ARL2BP: variants seen among roughly 807,000 people sequenced by gnomAD.
ARL2BP encodes the protein ARF like GTPase 2 binding protein.
Under a neutral mutation model 24.2 loss-of-function variants are expected in ARL2BP, and 19 were observed. The observed-to-expected ratio is 0.79, with a 90% confidence interval of 0.55 to 1.15. The LOEUF is 1.15. ARL2BP is among the 50% of genes most tolerant of loss of function. The pLI is 0.00. For missense variants in ARL2BP, 160 were observed against 190.4 expected, an observed-to-expected ratio of 0.84 and a Z score of 0.94; for synonymous variants, 56 against 70.5, an observed-to-expected ratio of 0.79 and a Z score of 1.03.
In ARL2BP at chr16:57,249,870, G is replaced by T; in HGVS notation, c.293+18G>T. The T allele has an allele frequency of 6.2e-7, 1 of 1,611,270 alleles. No homozygotes were observed. Among genetic ancestry groups the T allele is most frequent in the Non-Finnish European group, 8.5e-7 (1 of 1,177,386 alleles). On this transcript the variant is annotated intron_variant, in intron 4 of 5. Transcript: ENST00000219204. Reference sequence around the variant, plus strand: ...ACATTACAGTGAGTTGAGCTTGACTGATTTTTGTGTTTTGTTTTGTTTTCT... The same window carrying T: ...ACATTACAGTGAGTTGAGCTTGACTTATTTTTGTGTTTTGTTTTGTTTTCT...
At chr16:57,246,554 G>A (rs1447767755) in intron 2 of ARL2BP, among the ~76,000 whole-genome samples, 1 of 152,196 alleles carries the variant, frequency 6.6e-6, no homozygotes, top group Non-Finnish European at 1.5e-5. Flanking sequence ...TGTAATCCCA[G>A]CACTTTGGGA....
rs1567525892 is a variant in ARL2BP, at chr16:57,248,634, T to G, written c.198T>G (p.Phe66Leu). ...ATAAACTCATCTACACACCTATTTT[T>G]AATGAATACGTAAGTAGATTTCTAT... ...EENKLIYTPI[F>L]NEYISLVEKY... The change falls in exon 3 of 6, where the codon TTT (phenylalanine) becomes TTG (leucine). Residue 66 changes from phenylalanine to leucine, a missense_variant. Coordinates refer to ENST00000219204, the MANE Select transcript of ARL2BP (RefSeq NM_012106.4). 6.4e-7 allele frequency: 1 copy of G among 1,568,326 alleles called. No homozygotes were observed. Among genetic ancestry groups the G allele is most frequent in the Non-Finnish European group, 8.7e-7 (1 of 1,150,214 alleles).
intron 3 of ARL2BP, 54 bp downstream of exon 3, chr16:57,248,697 AT>A: frequency 9.2e-7 from 1 of 1,087,932 alleles, no homozygotes; most frequent in Non-Finnish European, 1.3e-6. Flanking sequence ...AAAAATTTAA[AT>A]TTAGATTCAA....
At chr16:57,250,385 G>A (rs368436972) in intron 4 of ARL2BP, 26 bp from the exon 5 acceptor site, 5 of 1,603,186 alleles carry the variant, frequency 3.1e-6, no homozygotes, top group Non-Finnish European at 4.3e-6. Flanking sequence ...ATTCATTCAC[G>A]AAACAGCCAT....
Position 57,253,086 on chromosome 16 carries a change from G to A in ARL2BP, c.*819G>A, listed in dbSNP as rs776369146. ...TTGTTAGTACTGTGAAGGCAAAAAT[G>A]CTTTCTACATTGACATTCATTCCTA... On this transcript the variant is annotated 3_prime_UTR_variant, in exon 6 of 6. Transcript: ENST00000219204. The A allele has an allele frequency of 1.3e-5, 2 of 152,604 alleles. No individual in the cohort carries two copies. The highest frequency in any genetic ancestry group is 2.9e-5 in the Non-Finnish European group (2 of 68,028). The allele number at this position is 152,604 out of a possible 1,614,324, so 9.5% of individuals were successfully genotyped here. A position where few individuals can be genotyped will look rare whatever the true frequency, so the allele number is the denominator to read the frequency against.
chr16:57,249,632 G>T, intron 3 of ARL2BP, 135 bp from the exon 4 acceptor site: 1 of 687,256 alleles, frequency 1.5e-6, no homozygotes, highest in Non-Finnish European at 2.6e-6. Flanking sequence ...GGTCCTCTTT[G>T]GTATCCTTGG....
At chr16:57,246,258 T>A in intron 2 of ARL2BP, 117 bp downstream of exon 2, 1 of 963,644 alleles carries the variant, frequency 1.0e-6, no homozygotes, top group Non-Finnish European at 1.6e-6. Context: ...ATTTTTAATG[T>A]AGCACAATGT....
rs199830550 is a variant in ARL2BP, at chr16:57,248,644, G to C, written c.207+1G>C. ...CTACACACCTATTTTTAATGAATAC[G>C]TAAGTAGATTTCTATGTCTCCTACC... On this transcript the variant is annotated splice_donor_variant, in intron 3 of 5. Transcript: ENST00000219204. LOFTEE classifies it high-confidence loss of function. The C allele has an allele frequency of 6.6e-7, 1 of 1,522,472 alleles. No individual in the cohort carries two copies. The highest frequency in any genetic ancestry group is 1.3e-5 in the South Asian group (1 of 79,652). The allele number at this position is 1,522,472 out of a possible 1,614,324, so 94.3% of individuals were successfully genotyped here. A position where few individuals can be genotyped will look rare whatever the true frequency, so the allele number is the denominator to read the frequency against.
intron 4 of ARL2BP, 96 bp from the exon 5 acceptor site, chr16:57,250,314 CG>C: frequency 9.5e-7 from 1 of 1,047,916 alleles, no homozygotes; most frequent in Non-Finnish European, 1.4e-6. Flanking sequence ...AAAAATAATG[CG>C]GGGGGTGGGG....
chr16:57,246,923 T>C (rs1306735081), intron 2 of ARL2BP, among the ~76,000 whole-genome samples: 1 of 152,230 alleles, frequency 6.6e-6, no homozygotes, highest in Non-Finnish European at 1.5e-5. Context: ...GAGTTCCTAC[T>C]TGTGGATGTA....
chr16:57,252,766 C>T lies in ARL2BP; in HGVS notation c.*499C>T, dbSNP rs1419159816. On this transcript the variant is annotated 3_prime_UTR_variant, in exon 6 of 6. Transcript: ENST00000219204. ...CAAGCCCAGTTTGAGATTTTGGAGT[C>T]TCCTGTGATCACATCTTGTCTCGGC... 5.8e-6 allele frequency: 1 copy of T among 171,698 alleles called. No individual in the cohort carries two copies. Among genetic ancestry groups the T allele is most frequent in the Non-Finnish European group, 1.3e-5 (1 of 78,450 alleles). The allele number at this position is 171,698 out of a possible 1,614,324, so 10.6% of individuals were successfully genotyped here.
chr16:57,251,860 G>A (rs567208156), intron 5 of ARL2BP: 41 of 306,384 alleles, frequency 1.3e-4, no homozygotes, highest in African/African-American at 8.2e-4. Flanking sequence ...AGCTACTCAG[G>A]AGGCTGAGGC....
At chr16:57,245,432 G>A in intron 1 of ARL2BP, 27 bp downstream of exon 1, 3 of 1,602,360 alleles carry the variant, frequency 1.9e-6, no homozygotes, top group Non-Finnish European at 8.5e-7. Context: ...GGGCGCAGGC[G>A]ACTTGGGGCC....
intron 5 of ARL2BP, chr16:57,251,926 C>A (rs1308389436): frequency 2.2e-6 from 1 of 447,920 alleles, no homozygotes; most frequent in Non-Finnish European, 4.0e-6. Flanking sequence ...GATCAAGCCA[C>A]TATACTCCAG....
chr16:57,246,175 C>T (rs779663179), intron 2 of ARL2BP, 34 bp downstream of exon 2: 17 of 1,585,298 alleles, frequency 1.1e-5, no homozygotes, highest in Admixed American at 1.7e-5. Context: ...TAAGGACTTG[C>T]TTGTTTCTTT....
intron 2 of ARL2BP, 159 bp downstream of exon 2, chr16:57,246,300 C>T (rs1285011315): frequency 4.3e-6 from 3 of 700,342 alleles, no homozygotes; most frequent in African/African-American, 3.6e-5. Flanking sequence ...TGCAGTTTGT[C>T]TTAGAAACAA....
At position 57,249,846 on chromosome 16, in the gene ARL2BP, C is replaced by T; in HGVS notation, c.287C>T (p.Thr96Ile). Residue 96 changes from threonine (T) to isoleucine (I), a missense_variant, in exon 4 of 6, where the codon ACA becomes ATA. Coordinates refer to ENST00000219204, the MANE Select transcript of ARL2BP (RefSeq NM_012106.4). ...PEFNMAAFTT[T>I]LQHHKDEVAG... ...TTCAACATGGCAGCCTTCACCACAA[C>T]ATTACAGTGAGTTGAGCTTGACTGA... 6.2e-7 allele frequency: 1 copy of T among 1,613,932 alleles called. No homozygotes were observed. Among genetic ancestry groups the T allele is most frequent in the South Asian group, 1.1e-5 (1 of 91,082 alleles).
intron 4 of ARL2BP, 115 bp from the exon 5 acceptor site, chr16:57,250,296 A>G: frequency 1.1e-6 from 1 of 927,546 alleles, no homozygotes; most frequent in Non-Finnish European, 1.7e-6. Context: ...TCTCTAAAAA[A>G]ACAAAACAAA....
intron 5 of ARL2BP, chr16:57,251,133 C>T (rs1043110699): frequency 6.6e-6 from 1 of 152,108 alleles, no homozygotes; most frequent in Non-Finnish European, 1.5e-5. Flanking sequence ...CATGGTAACT[C>T]ACACCTATAA....
Sources: allele counts gnomAD v4.1 joint callset (sites outside exome capture counted in the v4.1 genomes callset), GRCh38; gene constraint gnomAD v4.1.1; transcripts MANE v1.5; gene names NCBI Gene and HGNC (gene_info 2026-07-23, HGNC 2026-07-21).